Variants in DENND5A observed in about 807,000 individuals in gnomAD.
DENND5A encodes the protein DENN domain containing 5A.
Under a neutral mutation model 140.3 loss-of-function variants are expected in DENND5A, and 64 were observed. The ratio of observed to expected loss-of-function variants is 0.46; its 90% CI spans 0.37 to 0.56. The LOEUF (loss-of-function observed/expected upper bound fraction) is 0.56. Among genes scored for constraint, DENND5A ranks in the 20% least tolerant of loss-of-function variants. The pLI, the probability that DENND5A is intolerant of heterozygous loss-of-function variation, is 0.00. For synonymous variants in DENND5A, 605 were observed against 607.7 expected (o/e 1.00, Z 0.07); for missense variants, 1,292 against 1,593.8 (o/e 0.81, Z 3.22).
chr11:9,172,827 T>G (rs975857081), intron 8 of DENND5A, among the ~76,000 whole-genome samples: 2 of 152,232 alleles, frequency 1.3e-5, no homozygotes, highest in South Asian at 4.2e-4. Flanking sequence ...TTTATTTTTA[T>G]TTTTTTGAGA....
At chr11:9,218,420 G>A (rs1207867464) in intron 1 of DENND5A, among the ~76,000 whole-genome samples, 3 of 152,074 alleles carry the variant, frequency 2.0e-5, no homozygotes, top group African/African-American at 7.2e-5. Context: ...ATTAGTCTGG[G>A]TACAGTGGCT....
chr11:9,153,943 G>T (rs1847718186), intron 12 of DENND5A, among the ~76,000 whole-genome samples: 1 of 152,208 alleles, frequency 6.6e-6, no homozygotes, highest in Non-Finnish European at 1.5e-5. Flanking sequence ...CAACTGCTTT[G>T]TCTCTTTCTA....
intron 1 of DENND5A, among the ~76,000 whole-genome samples, chr11:9,250,044 T>TTAA (rs200310404): frequency 5.1e-5 from 7 of 138,564 alleles, no homozygotes; most frequent in African/African-American, 1.1e-4. Flanking sequence ...AAATAAAATT[T>TTAA]AAAAAAAAAA....
rs369946476 is a variant in DENND5A, at chr11:9,246,611, C to CAA, written c.109+18348_109+18349dup. Among the ~76,000 whole-genome samples, 205 of 63,030 alleles carry CAA rather than the reference C, an allele frequency of 3.3e-3. 4 individuals carry two copies. The highest frequency in any genetic ancestry group is 8.8e-3 in the Middle Eastern group (1 of 114). The allele number at this position is 63,030 out of a possible 152,430, so 41.4% of individuals were successfully genotyped here. On this transcript the variant is annotated intron_variant, in intron 1 of 22. Transcript: ENST00000328194. ...TAGGCCACAGAGTGAAACTAAGTCT[C>CAA]AAAAAAAAAAAAAAAAAAAAGGAAG...
chr11:9,143,962 G>A (rs2136112774), intron 19 of DENND5A, 135 bp downstream of exon 19: 1 of 1,018,256 alleles, frequency 9.8e-7, no homozygotes, highest in Non-Finnish European at 1.4e-6. Flanking sequence ...TATGTGTGAG[G>A]TGGCTTTGTT....
At chr11:9,255,250 C>T (rs561055654) in intron 1 of DENND5A, among the ~76,000 whole-genome samples, 3 of 152,128 alleles carry the variant, frequency 2.0e-5, no homozygotes, top group Non-Finnish European at 4.4e-5. Context: ...TGGAAATGTA[C>T]ACTAGTGCAG....
chr11:9,142,610 A>G (rs936579678), intron 21 of DENND5A, 112 bp downstream of exon 21: 2 of 1,337,306 alleles, frequency 1.5e-6, no homozygotes, highest in African/African-American at 1.5e-5. Context: ...GAGATCTGAG[A>G]GTCACCTAAT....
At chr11:9,164,386 A>G (rs1209203993) in intron 11 of DENND5A, among the ~76,000 whole-genome samples, 1 of 151,640 alleles carries the variant, frequency 6.6e-6, no homozygotes, top group Non-Finnish European at 1.5e-5. Context: ...TTTATTCTGC[A>G]AGAGACAGCA....
At chr11:9,167,593 C>G (rs1848234510) in intron 10 of DENND5A, among the ~76,000 whole-genome samples, 4 of 151,578 alleles carry the variant, frequency 2.6e-5, no homozygotes. Flanking sequence ...TCCTGGGCAA[C>G]ATGAAGAAAC....
intron 11 of DENND5A, among the ~76,000 whole-genome samples, chr11:9,164,693 T>C (rs1239189591): frequency 3.3e-5 from 5 of 152,144 alleles, no homozygotes; most frequent in Non-Finnish European, 5.9e-5. Context: ...GCCTGGCACA[T>C]AGTAGGTACC....
chr11:9,203,544 T>TG (rs1849589568), intron 4 of DENND5A, 116 bp downstream of exon 4: 2 of 1,223,966 alleles, frequency 1.6e-6, no homozygotes, highest in African/African-American at 3.0e-5. Context: ...GCAAAAGATC[T>TG]GGGTTTTGCT....
chr11:9,200,271 A>C (rs957106977), intron 4 of DENND5A, among the ~76,000 whole-genome samples: 44 of 152,352 alleles, frequency 2.9e-4, no homozygotes, highest in African/African-American at 9.1e-4. Flanking sequence ...GTTCTAAACC[A>C]GAGAAGTTCC....
chr11:9,161,330 A>G, intron 11 of DENND5A, among the ~76,000 whole-genome samples: 1 of 149,456 alleles, frequency 6.7e-6, no homozygotes, highest in East Asian at 1.9e-4. Flanking sequence ...CCTGGGCAAC[A>G]GAGCGAGACT....
intron 5 of DENND5A, among the ~76,000 whole-genome samples, chr11:9,185,140 G>A (rs1385454968): frequency 6.6e-6 from 1 of 151,982 alleles, no homozygotes; most frequent in Non-Finnish European, 1.5e-5. Flanking sequence ...GCAGTGAGTC[G>A]AGATTGCGCC....
At chr11:9,261,827 C>T (rs1404885669) in intron 1 of DENND5A, among the ~76,000 whole-genome samples, 1 of 150,706 alleles carries the variant, frequency 6.6e-6, no homozygotes, top group Admixed American at 6.6e-5. Context: ...GATTCCCCTA[C>T]CAACCCACCA....
chr11:9,150,033 C>T, intron 15 of DENND5A, 48 bp downstream of exon 15: 1 of 1,572,670 alleles, frequency 6.4e-7, no homozygotes, highest in Non-Finnish European at 8.6e-7. Flanking sequence ...CCAATCTCTT[C>T]CCTCCATTCC....
chr11:9,159,778 A>G (rs560652698), intron 12 of DENND5A, among the ~76,000 whole-genome samples: 95 of 152,240 alleles, frequency 6.2e-4, no homozygotes, highest in Non-Finnish European at 1.1e-3. Context: ...TTACATTCCC[A>G]TCAGCAATGT....
intron 1 of DENND5A, among the ~76,000 whole-genome samples, chr11:9,246,799 TG>T (rs1378727417): frequency 6.6e-6 from 1 of 152,146 alleles, no homozygotes; most frequent in African/African-American, 2.4e-5. Flanking sequence ...AGAAAATCTT[TG>T]CATCTACCTA....
chr11:9,215,158 A>G (rs529998019), intron 1 of DENND5A, among the ~76,000 whole-genome samples: 2 of 152,142 alleles, frequency 1.3e-5, no homozygotes, highest in Non-Finnish European at 2.9e-5. Flanking sequence ...TCTCTTTCTC[A>G]ATACATTTAC....
Sources: allele counts gnomAD v4.1 joint callset (sites outside exome capture counted in the v4.1 genomes callset), GRCh38; gene constraint gnomAD v4.1.1; transcripts MANE v1.5; gene names NCBI Gene and HGNC (gene_info 2026-07-23, HGNC 2026-07-21).